Variants in APP observed in about 807,000 individuals in gnomAD.
APP encodes the protein amyloid-beta precursor protein.
A neutral mutation model predicts 101.4 loss-of-function variants in APP; 31 were observed. The observed-to-expected ratio is 0.31, with a 90% confidence interval of 0.23 to 0.41. The LOEUF is 0.41. Among genes scored for constraint, APP ranks in the 10% least tolerant of loss-of-function variants. The pLI, the probability that APP is intolerant of heterozygous loss-of-function variation, is 1.00. For missense variants in APP, 839 were observed against 1,003.7 expected (o/e 0.84, Z 2.22); for synonymous variants, 366 against 364.4 (o/e 1.00, Z -0.05).
chr21:25,969,115 G>A (rs888292047), intron 11 of APP, among the ~76,000 whole-genome samples: 4 of 151,676 alleles, frequency 2.6e-5, no homozygotes, highest in African/African-American at 9.7e-5. Flanking sequence ...GGAGGCTGGC[G>A]GATCACGAGG....
In APP at chr21:26,135,996, G is replaced by A. The variant is rs151046221; in HGVS notation, c.58-23850C>T. ...AAAATACAAAAATTAGCCAGGCATC[G>A]TGGTGCACACCTGTAATCCAGCTAC... is the stretch of plus-strand genomic sequence containing the variant. On this transcript the variant is annotated intron_variant, in intron 1 of 17. Coordinates refer to ENST00000346798, the MANE Select transcript of APP (RefSeq NM_000484.4). Among the ~76,000 whole-genome samples, 8 of 151,442 alleles carry A rather than the reference G, an allele frequency of 5.3e-5. No homozygotes were observed. In the East Asian group the frequency reaches 5.8e-4, roughly 11 times the overall value.
chr21:26,110,997 T>C (rs1029708307), intron 2 of APP, among the ~76,000 whole-genome samples: 7 of 145,720 alleles, frequency 4.8e-5, no homozygotes, highest in Non-Finnish European at 1.0e-4. Flanking sequence ...GCACCCTGTA[T>C]AGTAACAGCA....
intron 15 of APP, among the ~76,000 whole-genome samples, chr21:25,902,928 CT>C (rs2038584100): frequency 1.3e-5 from 2 of 152,160 alleles, no homozygotes; most frequent in African/African-American, 4.8e-5. Flanking sequence ...CATATTCTTA[CT>C]GTTATGAGAA....
intron 6 of APP, among the ~76,000 whole-genome samples, chr21:26,020,550 T>C (rs1171358500): frequency 6.6e-6 from 1 of 152,148 alleles, no homozygotes; most frequent in East Asian, 1.9e-4. Context: ...GAACAATAAA[T>C]CTGAAATCAT....
chr21:25,955,307 C>G (rs2041266151), intron 12 of APP, among the ~76,000 whole-genome samples: 1 of 152,186 alleles, frequency 6.6e-6, no homozygotes, highest in African/African-American at 2.4e-5. Flanking sequence ...GCCTGCCATA[C>G]TTCAGTTGAA....
intron 6 of APP, among the ~76,000 whole-genome samples, chr21:26,021,248 A>G (rs2044324437): frequency 6.6e-6 from 1 of 151,988 alleles, no homozygotes; most frequent in Non-Finnish European, 1.5e-5. Context: ...GGTTTTCACC[A>G]TGTTGGCCAG....
rs912258446 is a variant in APP at position 26,074,395 on chromosome 21, C to T, written c.355+15548G>A. On this transcript the variant is annotated intron_variant, in intron 3 of 17. Transcript: ENST00000346798. ...TAGTATCCTAACCTTTAAGGTACAACATAAGAATCTGAAATTTCTAAAATC... is the reference window on the plus strand; with the variant it reads ...TAGTATCCTAACCTTTAAGGTACAATATAAGAATCTGAAATTTCTAAAATC... 2.0e-5 allele frequency among the ~76,000 whole-genome samples: 3 copies of T among 152,294 alleles called. No individual in the cohort carries two copies. The East Asian group carries it at 5.8e-4, about 29-fold the overall frequency.
At chr21:25,956,736 G>A (rs1193857560) in intron 11 of APP, among the ~76,000 whole-genome samples, 1 of 152,140 alleles carries the variant, frequency 6.6e-6, no homozygotes, top group Non-Finnish European at 1.5e-5. Context: ...GTGGTGGGGC[G>A]GGTGGTAATG....
At chr21:25,996,167 C>T (rs2043047399) in intron 8 of APP, among the ~76,000 whole-genome samples, 1 of 152,134 alleles carries the variant, frequency 6.6e-6, no homozygotes, top group Admixed American at 6.5e-5. Flanking sequence ...GAAATAAAAA[C>T]AAAACATAAG....
chr21:26,168,373 T>A (rs2063663058), intron 1 of APP, among the ~76,000 whole-genome samples: 1 of 152,090 alleles, frequency 6.6e-6, no homozygotes, highest in Non-Finnish European at 1.5e-5. Flanking sequence ...CCCTCAAACC[T>A]CAGTAGACTG....
chr21:25,924,591 A>T (rs2039801796), intron 13 of APP, among the ~76,000 whole-genome samples: 1 of 151,802 alleles, frequency 6.6e-6, no homozygotes, highest in South Asian at 2.1e-4. Flanking sequence ...GGAGGGGGAC[A>T]TCATACACCA....
chr21:25,886,780 C>G (rs985204468), intron 17 of APP, among the ~76,000 whole-genome samples: 1 of 152,058 alleles, frequency 6.6e-6, no homozygotes, highest in Admixed American at 6.6e-5. Context: ...CTGCACCCCC[C>G]CTCACTTTTC....
At chr21:25,901,608 TA>T (rs1381469756) in intron 15 of APP, among the ~76,000 whole-genome samples, 3 of 152,202 alleles carry the variant, frequency 2.0e-5, no homozygotes, top group Non-Finnish European at 2.9e-5. Context: ...ATATTCATAA[TA>T]AGGTGATAAT....
intron 3 of APP, chr21:26,068,460 G>A (rs2046545986): frequency 6.6e-6 from 1 of 151,888 alleles, no homozygotes; most frequent in Non-Finnish European, 1.5e-5. Context: ...CCTGGGCTCA[G>A]ACAACCTTCC....
At chr21:26,006,912 C>A (rs2043555781) in intron 6 of APP, among the ~76,000 whole-genome samples, 1 of 152,096 alleles carries the variant, frequency 6.6e-6, no homozygotes, top group Admixed American at 6.6e-5. Context: ...CATTTTTAAT[C>A]ATTGAATTTC....
At chr21:25,904,293 G>A (rs2038669825) in intron 15 of APP, among the ~76,000 whole-genome samples, 1 of 152,144 alleles carries the variant, frequency 6.6e-6, no homozygotes, top group East Asian at 1.9e-4. Flanking sequence ...TGCTTCTGCT[G>A]TGCTATGACA....
intron 3 of APP, among the ~76,000 whole-genome samples, chr21:26,057,972 C>A (rs562902172): frequency 3.3e-5 from 5 of 152,238 alleles, no homozygotes; most frequent in Admixed American, 3.3e-4. Flanking sequence ...ATGCAGTCAG[C>A]GGCAGAGAAT....
At chr21:25,898,481 T>C (rs1440532977) in intron 15 of APP, among the ~76,000 whole-genome samples, 1 of 152,234 alleles carries the variant, frequency 6.6e-6, no homozygotes, top group East Asian at 1.9e-4. Flanking sequence ...TGCTATAACA[T>C]TTAATTATCA....
rs201290605 is a variant in APP, at chr21:25,975,060, C to A, written c.1458+10G>T. On this transcript the variant is annotated intron_variant, in intron 11 of 17. Transcript: ENST00000346798. The stretch of plus-strand genomic sequence containing the variant: ...ACCTGAAGTGTGAACTCGGCTGCAG[C>A]GAGACCTACCCGAGGAGGAACAGCC... 8 of 1,613,850 alleles carry A rather than the reference C, an allele frequency of 5.0e-6. No homozygotes were observed. Among genetic ancestry groups the A allele is most frequent in the Admixed American group, 1.7e-5 (1 of 59,980 alleles).
Sources: gnomAD v4.1 joint callset for allele counts (sites outside exome capture counted in the v4.1 genomes callset) on GRCh38, gnomAD v4.1.1 for gene constraint, MANE v1.5 for transcripts, NCBI Gene and HGNC (gene_info 2026-07-23, HGNC 2026-07-21) for gene names.